The following KCNJ12 variants were observed in gnomAD, a reference collection of about 807,000 sequenced individuals.
KCNJ12 encodes the protein ATP-sensitive inward rectifier potassium channel 12.
KCNJ12 carries 2 observed loss-of-function variants against 22.3 expected under a neutral mutation model. That is an observed-to-expected ratio of 0.09 (90% confidence interval 0.04 to 0.28). The LOEUF (loss-of-function observed/expected upper bound fraction) is 0.28. Among genes scored for constraint, KCNJ12 ranks in the 10% least tolerant of loss-of-function variants. The pLI, the probability that KCNJ12 is intolerant of heterozygous loss-of-function variation, is 1.00. For synonymous variants in KCNJ12, 117 were observed against 261.4 expected, an observed-to-expected ratio of 0.45 and a Z score of 5.33; for missense variants, 155 against 633.3, an observed-to-expected ratio of 0.24 and a Z score of 8.11.
chr17:21,394,630 A>G (rs1254360068), intron 1 of KCNJ12, among the ~76,000 whole-genome samples: 1 of 152,162 alleles, frequency 6.6e-6, no homozygotes, highest in East Asian at 1.9e-4. Context: ...GTGCTGGGTG[A>G]TGCACTGATT....
intron 1 of KCNJ12, among the ~76,000 whole-genome samples, chr17:21,382,833 A>AC (rs1904920441): frequency 6.6e-6 from 1 of 152,158 alleles, no homozygotes; most frequent in Non-Finnish European, 1.5e-5. Flanking sequence ...AGAAAAGGAA[A>AC]CCAGGTAACA....
intron 1 of KCNJ12, among the ~76,000 whole-genome samples, chr17:21,380,196 A>G (rs1188336779): frequency 6.6e-6 from 1 of 152,166 alleles, no homozygotes; most frequent in African/African-American, 2.4e-5. Flanking sequence ...GGACCTAGTT[A>G]AGCCCTGGCA....
chr17:21,403,978 G>A (rs1905782425), intron 1 of KCNJ12, among the ~76,000 whole-genome samples: 1 of 152,268 alleles, frequency 6.6e-6, no homozygotes, highest in South Asian at 2.1e-4. Context: ...TTGGGATCAA[G>A]TCTAGGCTCA....
At chr17:21,387,440 C>CAAAAAAAA (rs782125409) in intron 1 of KCNJ12, among the ~76,000 whole-genome samples, 1 of 36,522 alleles carries the variant, frequency 2.7e-5, no homozygotes, top group African/African-American at 8.5e-5. Context: ...GACTCTATCT[C>CAAAAAAAA]AAAAAAAAAA....
chr17:21,393,526 C>T (rs1047497529), intron 1 of KCNJ12, among the ~76,000 whole-genome samples: 21 of 152,208 alleles, frequency 1.4e-4, no homozygotes, highest in African/African-American at 4.8e-4. Context: ...ATCCAGCTAA[C>T]CCTGTAATGC....
At chr17:21,394,085 ATC>A (rs1412975754) in intron 1 of KCNJ12, among the ~76,000 whole-genome samples, 1 of 152,180 alleles carries the variant, frequency 6.6e-6, no homozygotes, top group Non-Finnish European at 1.5e-5. Context: ...CAGTGTACTC[ATC>A]TGTAAAATTA....
At chr17:21,398,502 G>A (rs966174351) in intron 1 of KCNJ12, among the ~76,000 whole-genome samples, 1 of 152,224 alleles carries the variant, frequency 6.6e-6, no homozygotes, top group African/African-American at 2.4e-5. Flanking sequence ...CCTCCAATGG[G>A]CTTCCTTGCT....
intron 1 of KCNJ12, among the ~76,000 whole-genome samples, chr17:21,406,655 T>C (rs1386850691): frequency 6.6e-6 from 1 of 152,300 alleles, no homozygotes; most frequent in African/African-American, 2.4e-5. Context: ...GTCACACAGC[T>C]TATGAGGGGC....
chr17:21,386,247 G>C (rs1489673645), intron 1 of KCNJ12, among the ~76,000 whole-genome samples: 1 of 152,184 alleles, frequency 6.6e-6, no homozygotes, highest in Non-Finnish European at 1.5e-5. Context: ...GGCTTCTGGC[G>C]GTCCTGGCAT....
At chr17:21,413,546 G>C (rs114868561) in intron 2 of KCNJ12, among the ~76,000 whole-genome samples, 2 of 143,600 alleles carry the variant, frequency 1.4e-5, no homozygotes, top group African/African-American at 2.6e-5. Flanking sequence ...CAGCTCCTCC[G>C]TCGGGGCTAA....
At chr17:21,388,036 G>A (rs576974064) in intron 1 of KCNJ12, among the ~76,000 whole-genome samples, 2 of 152,260 alleles carry the variant, frequency 1.3e-5, no homozygotes, top group Admixed American at 1.3e-4. Context: ...TGGCAGCCCC[G>A]CTGTCATCGT....
At chr17:21,378,089 A>G (rs1555557494) in intron 1 of KCNJ12, among the ~76,000 whole-genome samples, 2 of 152,218 alleles carry the variant, frequency 1.3e-5, no homozygotes, top group Admixed American at 6.5e-5. Flanking sequence ...CGCCTTTGGA[A>G]GGTGCGAACC....
intron 2 of KCNJ12, among the ~76,000 whole-genome samples, chr17:21,412,560 G>A (rs1326247799): frequency 2.6e-5 from 4 of 152,288 alleles, no homozygotes; most frequent in Admixed American, 6.5e-5. Flanking sequence ...TGAGTGCCCC[G>A]GCCCTGGCTG....
chr17:21,417,430 C>T lies in KCNJ12; in HGVS notation c.*786C>T, dbSNP rs1906913353. 6.0e-6 allele frequency: 1 copy of T among 167,140 alleles called. No individual in the cohort carries two copies. The highest frequency in any genetic ancestry group is 1.5e-5 in the Non-Finnish European group (1 of 68,142). The allele number at this position is 167,140 out of a possible 1,614,324, so 10.4% of individuals were successfully genotyped here. On this transcript the variant is annotated 3_prime_UTR_variant, in exon 3 of 3. Coordinates refer to ENST00000583088, the MANE Select transcript of KCNJ12 (RefSeq NM_021012.5). ...TGAGCTTTTAGAGTTTGCCTTTGTACCTTAGAGATGTGTCTCAGGGCCAGG... is the reference window on the plus strand; with the variant it reads ...TGAGCTTTTAGAGTTTGCCTTTGTATCTTAGAGATGTGTCTCAGGGCCAGG...
intron 1 of KCNJ12, among the ~76,000 whole-genome samples, chr17:21,381,737 A>G (rs1555557952): frequency 6.6e-6 from 1 of 152,098 alleles, no homozygotes; most frequent in East Asian, 1.9e-4. Flanking sequence ...GTAGAACTTA[A>G]TGCTATCTGC....
chr17:21,383,332 C>T (rs997812839), intron 1 of KCNJ12, among the ~76,000 whole-genome samples: 1 of 152,182 alleles, frequency 6.6e-6, no homozygotes, highest in African/African-American at 2.4e-5. Context: ...CCAACCCCGC[C>T]CCGACCCTCT....
chr17:21,406,980 T>C (rs1306298452), intron 1 of KCNJ12, among the ~76,000 whole-genome samples: 2 of 152,282 alleles, frequency 1.3e-5, no homozygotes, highest in African/African-American at 2.4e-5. Context: ...GGTGGGGAAA[T>C]TGCATCTTTG....
chr17:21,383,014 A>G (rs9916141), intron 1 of KCNJ12, among the ~76,000 whole-genome samples: 29,078 of 151,958 alleles, frequency 0.19, 3,003 homozygotes, highest in Non-Finnish European at 0.22. Flanking sequence ...CGCAGCCTTG[A>G]GGCCACAGAC....
chr17:21,385,933 G>A (rs189092809), intron 1 of KCNJ12, among the ~76,000 whole-genome samples: 2 of 152,380 alleles, frequency 1.3e-5, no homozygotes, highest in East Asian at 1.9e-4. Flanking sequence ...GAGAAAGTGG[G>A]TTGGGCAAAC....
Sources: gnomAD v4.1 joint callset for allele counts (sites outside exome capture counted in the v4.1 genomes callset) on GRCh38, gnomAD v4.1.1 for gene constraint, MANE v1.5 for transcripts, NCBI Gene and HGNC (gene_info 2026-07-23, HGNC 2026-07-21) for gene names.